Variants in KIF3A observed in about 807,000 individuals in gnomAD.
KIF3A encodes kinesin family member 3A, also known as kinesin-like protein KIF3A.
In KIF3A, 27 loss-of-function variants were observed where a neutral mutation model predicts 92.6. The observed-to-expected ratio is 0.29, with a 90% CI of 0.21 to 0.40. KIF3A has a LOEUF of 0.40. Ranked by LOEUF, KIF3A falls within the 10% of genes least tolerant of loss-of-function variation. KIF3A has a pLI of 1.00. For synonymous variants in KIF3A, 250 were observed against 275.4 expected (o/e 0.91, Z 0.92); for missense variants, 581 against 872.6 (o/e 0.67, Z 4.21).
chr5:132,694,054 C>A lies in KIF3A; in HGVS notation c.*2580G>T, dbSNP rs150074408. The A allele has an allele frequency of 1.6e-3, 243 of 151,440 alleles. 1 individual carries two copies. Among genetic ancestry groups the A allele is most frequent in the African/African-American group, 5.6e-3 (229 of 41,228 alleles). The allele number at this position is 151,440 out of a possible 1,614,324, so 9.4% of individuals were successfully genotyped here. A position where few individuals can be genotyped will look rare whatever the true frequency, so the allele number is the denominator to read the frequency against. ...TATTTCTGAGATGGATATTTAATGT[C>A]CATCTGGTATAATCAGTTTTAACAT... On this transcript the variant is annotated 3_prime_UTR_variant, in exon 19 of 19. Coordinates refer to ENST00000403231, the MANE Select transcript of KIF3A (RefSeq NM_001300791.2).
At position 132,716,386 on chromosome 5, in the gene KIF3A, T is replaced by C. The variant is rs1231976024; in HGVS notation, c.813A>G (p.Thr271=). The change falls in exon 7 of 19, where the codon ACA becomes ACG. Residue 271 remains threonine, a synonymous_variant. Coordinates refer to ENST00000403231, the MANE Select transcript of KIF3A (RefSeq NM_001300791.2). ...GGGTGGAAAGTGAAAGATTGATTTT[T>C]GTAGCTTCCTTTAGGCGCTGTCCAG... is the stretch of plus-strand genomic sequence containing the variant. ...GATGQRLKEA[T]KINLSLSTLG... The C allele has an allele frequency of 6.2e-7, 1 of 1,614,098 alleles. No homozygotes were observed. Among genetic ancestry groups the C allele is most frequent in the East Asian group, 2.2e-5 (1 of 44,868 alleles).
In KIF3A at chr5:132,695,032, T is replaced by G. The variant is rs1345458950; in HGVS notation, c.*1602A>C. The stretch of plus-strand genomic sequence containing the variant: ...TAAACTAGGATTTAACAAAACTTAT[T>G]AAAATAATATTAATTTAATAAATAC... On this transcript the variant is annotated 3_prime_UTR_variant, in exon 19 of 19. Coordinates refer to ENST00000403231, the MANE Select transcript of KIF3A (RefSeq NM_001300791.2). The G allele has an allele frequency of 6.6e-6, 1 of 152,212 alleles. No individual in the cohort carries two copies. Among genetic ancestry groups the G allele is most frequent in the East Asian group, 1.9e-4 (1 of 5,206 alleles). The allele number at this position is 152,212 out of a possible 1,614,324, so 9.4% of individuals were successfully genotyped here. A position where few individuals can be genotyped will look rare whatever the true frequency, so the allele number is the denominator to read the frequency against.
chr5:132,737,456 C>T lies in KIF3A; in HGVS notation c.-37G>A. The stretch of plus-strand genomic sequence containing the variant: ...CCCGTGCCCGGCGGACGTCCCCGCC[C>T]GGGGTGCAGCCCAGCGACACCGGGT... On this transcript the variant is annotated 5_prime_UTR_variant, in exon 1 of 19. Transcript: ENST00000403231. 1.2e-6 allele frequency: 2 copies of T among 1,600,062 alleles called. No individual in the cohort carries two copies. The highest frequency in any genetic ancestry group is 1.7e-5 in the Admixed American group (1 of 58,248).
chr5:132,725,794 C>A (rs2149916475), intron 4 of KIF3A, among the ~76,000 whole-genome samples: 1 of 152,256 alleles, frequency 6.6e-6, no homozygotes, highest in East Asian at 1.9e-4. Flanking sequence ...TGCTGTTCTA[C>A]ATGTTACTCT....
chr5:132,706,337 ATACT>A (rs1307502536), intron 11 of KIF3A, 110 bp downstream of exon 11: 8 of 602,284 alleles, frequency 1.3e-5, no homozygotes, highest in South Asian at 4.0e-5. Context: ...CAAAAGATAG[ATACT>A]TACCTGGTAA....
chr5:132,737,377 TGAG>T (rs751089054), intron 1 of KIF3A, 34 bp downstream of exon 1: 67 of 1,601,618 alleles, frequency 4.2e-5, no homozygotes, highest in Non-Finnish European at 5.4e-5. Flanking sequence ...GCCGCTAGGA[TGAG>T]AAGAAACCCC....
chr5:132,700,390 A>G lies in KIF3A; in HGVS notation c.1939-106T>C. Reference sequence around the variant, plus strand: ...CCTAACATTACACTAGTAAAACATGATTTGAATGCTAGAGCAGAAAGGGCC... The same window carrying G: ...CCTAACATTACACTAGTAAAACATGGTTTGAATGCTAGAGCAGAAAGGGCC... On this transcript the variant is annotated intron_variant, in intron 16 of 18. Transcript: ENST00000403231. 3.9e-6 allele frequency: 3 copies of G among 759,706 alleles called. No homozygotes were observed. In the South Asian group the frequency reaches 5.2e-5, roughly 13 times the overall value. The allele number at this position is 759,706 out of a possible 1,614,324, so 47.1% of individuals were successfully genotyped here.
Position 132,699,284 on chromosome 5 carries a change from C to G in KIF3A, c.2019G>C (p.Val673=). Residue 673 remains valine, a synonymous_variant, in exon 18 of 19, where the codon GTG becomes GTC. Coordinates refer to ENST00000403231, the MANE Select transcript of KIF3A (RefSeq NM_001300791.2). ...PDKKEKDPFE[V]DLSHVYLAYT... is the part of the protein sequence containing the mutation. ...AGGCAAGATACACGTGAGAAAGGTCCACCTCAAAGGGCTAAGTAAAAGAAA... is the reference window on the plus strand; with the variant it reads ...AGGCAAGATACACGTGAGAAAGGTCGACCTCAAAGGGCTAAGTAAAAGAAA... The G allele has an allele frequency of 6.2e-7, 1 of 1,613,670 alleles. No homozygotes were observed. Among genetic ancestry groups the G allele is most frequent in the South Asian group, 1.1e-5 (1 of 91,002 alleles).
At chr5:132,708,111 G>A (rs528195359) in intron 10 of KIF3A, among the ~76,000 whole-genome samples, 258 of 151,932 alleles carry the variant, frequency 1.7e-3, no homozygotes, top group Middle Eastern at 3.4e-3. Context: ...GTGAAACCCC[G>A]TCTCTACTAA....
chr5:132,736,675 C>A, intron 1 of KIF3A: 1 of 394,032 alleles, frequency 2.5e-6, no homozygotes, highest in African/African-American at 2.1e-5. Context: ...TGTATTATTT[C>A]ACGCGGATAA....
At position 132,699,853 on chromosome 5, in the gene KIF3A, C is replaced by T. The variant is rs1381825282; in HGVS notation, c.2007+363G>A. 7.9e-5 allele frequency among the ~76,000 whole-genome samples: 12 copies of T among 152,110 alleles called. No homozygotes were observed. The East Asian group carries it at 2.3e-3, about 29-fold the overall frequency. On this transcript the variant is annotated intron_variant, in intron 17 of 18. Transcript: ENST00000403231. ...CTGGGATTACAGGCGTGAGCCACCA[C>T]GCCCGGCCCGCTCCCTCTTCTTCTT...
At chr5:132,716,533 A>C in intron 6 of KIF3A, 91 bp from the exon 7 acceptor site, 1 of 1,060,894 alleles carries the variant, frequency 9.4e-7, no homozygotes, top group Non-Finnish European at 1.4e-6. Context: ...ATGTAACAGT[A>C]AAAAACCTGA....
At chr5:132,698,929 C>T (rs113230742) in intron 18 of KIF3A, among the ~76,000 whole-genome samples, 4,306 of 151,876 alleles carry the variant, frequency 0.028, 188 homozygotes, top group African/African-American at 0.097. Flanking sequence ...GTAGAGACAG[C>T]GTTTCACTAT....
chr5:132,719,528 G>GT (rs1753755693), intron 5 of KIF3A, among the ~76,000 whole-genome samples: 1 of 147,058 alleles, frequency 6.8e-6, no homozygotes, highest in Non-Finnish European at 1.5e-5. Context: ...TGGTTGCTGT[G>GT]TTGCCCAAGT....
chr5:132,702,855 T>C (rs1470525799), intron 13 of KIF3A, 30 bp downstream of exon 13: 1 of 1,602,194 alleles, frequency 6.2e-7, no homozygotes, highest in South Asian at 1.1e-5. Context: ...TCTGGCAAAA[T>C]ACCAAACTAA....
chr5:132,703,665 T>C, intron 11 of KIF3A, 46 bp from the exon 12 acceptor site: 1 of 1,435,540 alleles, frequency 7.0e-7, no homozygotes, highest in Non-Finnish European at 9.5e-7. Context: ...TGAATCAATG[T>C]TTCAGACTTA....
chr5:132,704,530 C>A (rs1195198264), intron 11 of KIF3A, among the ~76,000 whole-genome samples: 1 of 151,740 alleles, frequency 6.6e-6, no homozygotes, highest in Non-Finnish European at 1.5e-5. Context: ...TAATGAATTT[C>A]AAAATAACAA....
intron 14 of KIF3A, 139 bp from the exon 15 acceptor site, chr5:132,702,351 A>G: frequency 1.2e-6 from 1 of 811,878 alleles, no homozygotes; most frequent in Non-Finnish European, 1.9e-6. Flanking sequence ...ACAGCGTGAC[A>G]CTATCAGCAT....
chr5:132,733,500 AGCT>A (rs1754300784), intron 2 of KIF3A, among the ~76,000 whole-genome samples: 1 of 152,262 alleles, frequency 6.6e-6, no homozygotes, highest in African/African-American at 2.4e-5. Flanking sequence ...TGGACATGGT[AGCT>A]GACATGGGAA....
Sources: gnomAD v4.1 joint callset for allele counts (sites outside exome capture counted in the v4.1 genomes callset) on GRCh38, gnomAD v4.1.1 for gene constraint, MANE v1.5 for transcripts, NCBI Gene and HGNC (gene_info 2026-07-23, HGNC 2026-07-21) for gene names.